Variants in PRKD1 observed in about 807,000 individuals in gnomAD.
PRKD1 encodes the protein protein kinase D1.
PRKD1 carries 63 observed loss-of-function variants against 95.9 expected under a neutral mutation model. That is an observed-to-expected ratio of 0.66 (90% confidence interval 0.54 to 0.81). PRKD1 has a LOEUF of 0.81. Among genes scored for constraint, PRKD1 ranks in the 30% least tolerant of loss-of-function variants. PRKD1 has a pLI of 0.00. For missense variants in PRKD1, 1,048 were observed against 1,165.3 expected, an observed-to-expected ratio of 0.90 and a Z score of 1.47; for synonymous variants, 425 against 423.1, an observed-to-expected ratio of 1.00 and a Z score of -0.05.
rs186515326 is a variant in PRKD1, at chr14:29,642,096, T to C, written c.697-3192A>G. On this transcript the variant is annotated intron_variant, in intron 4 of 17. Coordinates refer to ENST00000331968, the MANE Select transcript of PRKD1 (RefSeq NM_002742.3). ...TTTTGTATTTTTAGTAGAGACAGGG[T>C]TTCTCCATGTTCGTCAGGCTGGTCT... Among the ~76,000 whole-genome samples, 48 of 151,854 alleles carry C rather than the reference T, an allele frequency of 3.2e-4. 2 individuals carry two copies. In the East Asian group the frequency reaches 9.3e-3, roughly 30 times the overall value.
At chr14:29,578,241 A>G in intron 17 of PRKD1, 34 bp downstream of exon 17, 2 of 1,453,258 alleles carry the variant, frequency 1.4e-6, no homozygotes, top group Non-Finnish European at 1.9e-6. Flanking sequence ...TTAGAAGCTC[A>G]TTCAACTAAG....
intron 1 of PRKD1, among the ~76,000 whole-genome samples, chr14:29,728,441 T>C (rs895533442): frequency 6.6e-6 from 1 of 152,164 alleles, no homozygotes; most frequent in African/African-American, 2.4e-5. Context: ...TAACCAACAA[T>C]GTTAACCTCA....
intron 1 of PRKD1, among the ~76,000 whole-genome samples, chr14:29,791,602 C>T (rs1889550804): frequency 6.6e-6 from 1 of 152,106 alleles, no homozygotes. Context: ...ATGTCTTTCA[C>T]TCAGCATAAT....
intron 11 of PRKD1, among the ~76,000 whole-genome samples, chr14:29,626,871 C>T (rs766643481): frequency 6.6e-5 from 10 of 152,092 alleles, no homozygotes; most frequent in Admixed American, 3.3e-4. Flanking sequence ...CACGCCACCA[C>T]GCCCAGCTAA....
At chr14:29,728,608 T>G (rs1886283106) in intron 1 of PRKD1, among the ~76,000 whole-genome samples, 1 of 152,180 alleles carries the variant, frequency 6.6e-6, no homozygotes, top group Non-Finnish European at 1.5e-5. Flanking sequence ...ATTTGGGTTC[T>G]TTCACCTTTT....
intron 8 of PRKD1, among the ~76,000 whole-genome samples, 166 bp downstream of exon 8, chr14:29,634,252 A>G (rs1228685746): frequency 6.6e-6 from 1 of 152,216 alleles, no homozygotes; most frequent in Admixed American, 6.5e-5. Flanking sequence ...TTGCTCAACT[A>G]TATCTGACAC....
intron 4 of PRKD1, among the ~76,000 whole-genome samples, chr14:29,639,781 G>A (rs377652374): frequency 6.6e-5 from 10 of 151,958 alleles, no homozygotes; most frequent in Admixed American, 1.3e-4. Flanking sequence ...GAAACAGAAC[G>A]AATATACTAT....
chr14:29,723,527 G>A (rs927101687), intron 2 of PRKD1, among the ~76,000 whole-genome samples: 5 of 152,214 alleles, frequency 3.3e-5, no homozygotes, highest in Admixed American at 2.0e-4. Context: ...ACAAAGGGGT[G>A]GGATGGTTTA....
At chr14:29,740,342 C>G (rs1886931878) in intron 1 of PRKD1, among the ~76,000 whole-genome samples, 1 of 152,086 alleles carries the variant, frequency 6.6e-6, no homozygotes. Flanking sequence ...AAGGCTATGA[C>G]AGCAACTAAA....
intron 1 of PRKD1, among the ~76,000 whole-genome samples, chr14:29,888,952 TAC>T (rs2139409102): frequency 6.6e-6 from 1 of 152,326 alleles, no homozygotes; most frequent in South Asian, 2.1e-4. Flanking sequence ...CATAAGCAGT[TAC>T]AGTCACCCGA....
chr14:29,630,913 A>G lies in PRKD1; in HGVS notation c.1501T>C (p.Tyr501His). 2 of 1,614,118 alleles carry G rather than the reference A, an allele frequency of 1.2e-6. No homozygotes were observed. The highest frequency in any genetic ancestry group is 1.7e-6 in the Non-Finnish European group (2 of 1,179,992). The stretch of plus-strand genomic sequence containing the variant: ...TTGACCACATTTTCTCCCACATAAT[A>G]CACTACATTTGCCGTAGTGATTTCG... ...CFEITTANVV[Y>H]YVGENVVNPS... is the part of the protein sequence containing the mutation. The change falls in exon 10 of 18, where the codon TAT (tyrosine) becomes CAT (histidine). Residue 501 changes from tyrosine to histidine, a missense_variant. Transcript: ENST00000331968.
chr14:29,850,427 C>T (rs1280779595), intron 1 of PRKD1, among the ~76,000 whole-genome samples: 1 of 150,384 alleles, frequency 6.6e-6, no homozygotes, highest in Non-Finnish European at 1.5e-5. Flanking sequence ...AGCTGAGAGC[C>T]AAATCAAGAA....
chr14:29,831,998 ATTAT>A (rs1891431216), intron 1 of PRKD1, among the ~76,000 whole-genome samples: 1 of 152,132 alleles, frequency 6.6e-6, no homozygotes, highest in Non-Finnish European at 1.5e-5. Context: ...ATACCATATT[ATTAT>A]TTATTTAAGT....
At chr14:29,613,153 T>C (rs1417890084) in intron 13 of PRKD1, among the ~76,000 whole-genome samples, 2 of 152,172 alleles carry the variant, frequency 1.3e-5, no homozygotes, top group Non-Finnish European at 2.9e-5. Context: ...TGAAGAAATA[T>C]AGTACATATT....
intron 13 of PRKD1, among the ~76,000 whole-genome samples, chr14:29,614,283 C>T (rs917980151): frequency 5.9e-5 from 9 of 152,088 alleles, no homozygotes; most frequent in African/African-American, 4.8e-5. Flanking sequence ...CTTTCTAATT[C>T]GTGCTTTCAA....
At chr14:29,739,994 A>G (rs189051754) in intron 1 of PRKD1, among the ~76,000 whole-genome samples, 2 of 152,208 alleles carry the variant, frequency 1.3e-5, no homozygotes, top group Non-Finnish European at 2.9e-5. Context: ...TTTAAAATAA[A>G]TGTTCATATC....
intron 1 of PRKD1, among the ~76,000 whole-genome samples, chr14:29,794,533 T>G (rs1164278010): frequency 2.0e-5 from 3 of 152,122 alleles, no homozygotes; most frequent in Non-Finnish European, 2.9e-5. Flanking sequence ...CAGGCTATAC[T>G]GTACATTCCT....
In PRKD1 at chr14:29,630,957, C is replaced by T; in HGVS notation, c.1457G>A (p.Gly486Glu). The change falls in exon 10 of 18, where the codon GGG (glycine) becomes GAG (glutamate). Residue 486 changes from glycine to glutamate, a missense_variant. Physicochemically the swap from Gly to Glu is moderately conservative, Grantham distance 98. Transcript: ENST00000331968. ...GATTTCGAAACAATGAGGATTGGCCCCATTAGGAATTAAAGCTGAAGTTTT... is the reference window on the plus strand; with the variant it reads ...GATTTCGAAACAATGAGGATTGGCCTCATTAGGAATTAAAGCTGAAGTTTT... The part of the protein sequence containing the change: ...PVKTSALIPN[G>E]ANPHCFEITT... 1 of 1,613,772 alleles carries T rather than the reference C, an allele frequency of 6.2e-7. No individual in the cohort carries two copies. The highest frequency in any genetic ancestry group is 8.5e-7 in the Non-Finnish European group (1 of 1,179,864).
intron 16 of PRKD1, among the ~76,000 whole-genome samples, chr14:29,580,063 T>C (rs1892703878): frequency 6.6e-6 from 1 of 152,162 alleles, no homozygotes; most frequent in Non-Finnish European, 1.5e-5. Context: ...TATTGCAAGC[T>C]TGCTGCAGCA....
Sources: gnomAD v4.1 joint callset for allele counts (sites outside exome capture counted in the v4.1 genomes callset) on GRCh38, gnomAD v4.1.1 for gene constraint, MANE v1.5 for transcripts, NCBI Gene and HGNC (gene_info 2026-07-23, HGNC 2026-07-21) for gene names.